IVD: variants seen among roughly 807,000 people sequenced by gnomAD.
IVD encodes the protein isovaleryl-CoA dehydrogenase, also known as isovaleryl-CoA dehydrogenase, mitochondrial.
IVD carries 31 observed loss-of-function variants against 51.3 expected under a neutral mutation model. That is an observed-to-expected ratio of 0.60 (90% CI 0.45 to 0.81). IVD has a LOEUF of 0.81. Ranked by LOEUF, IVD falls within the 40% of genes least tolerant of loss-of-function variation. The pLI is 0.00. For missense variants in IVD, 475 were observed against 552.0 expected, an observed-to-expected ratio of 0.86 and a Z score of 1.40; for synonymous variants, 205 against 219.4, an observed-to-expected ratio of 0.93 and a Z score of 0.58.
At chr15:40,433,934 T>G (rs1893124149) in intron 8 of IVD, 1 of 456,528 alleles carries the variant, frequency 2.2e-6, no homozygotes, top group South Asian at 1.5e-5. Flanking sequence ...GAGATTGGCA[T>G]GAGAATGCAA....
intron 7 of IVD, among the ~76,000 whole-genome samples, chr15:40,433,226 G>A (rs766242519): frequency 6.6e-6 from 1 of 152,168 alleles, no homozygotes; most frequent in African/African-American, 2.4e-5. Flanking sequence ...GCCACTCCAA[G>A]CCTATGTGAT....
At chr15:40,423,829 C>G (rs4923866), downstream of IVD, among the ~76,000 whole-genome samples, 407 of 152,286 alleles carry the variant, frequency 2.7e-3, 2 homozygotes, top group African/African-American at 9.4e-3. Context: ...TTCACTTCCT[C>G]GGGCCAGCCC....
chr15:40,428,456 C>A (rs1345459890), downstream of IVD, among the ~76,000 whole-genome samples: 4 of 152,104 alleles, frequency 2.6e-5, no homozygotes, highest in African/African-American at 9.7e-5. Flanking sequence ...ATAGGCTGGC[C>A]TTTGGGACCT....
chr15:40,417,986 A>C, intron 11 of IVD, 144 bp from the exon 12 acceptor site: 8 of 1,087,620 alleles, frequency 7.4e-6, no homozygotes, highest in South Asian at 1.4e-5. Flanking sequence ...TGTATTCCCC[A>C]CACCCCTCCC....
intron 1 of IVD, among the ~76,000 whole-genome samples, chr15:40,407,020 C>T (rs1315421385): frequency 2.0e-5 from 3 of 152,036 alleles, no homozygotes; most frequent in African/African-American, 7.2e-5. Context: ...TGCACCACCA[C>T]GCCCGGCTAA....
rs1891573603 is a variant in IVD at position 40,415,520 on chromosome 15, TG to T, written c.960+41del. The T allele has an allele frequency of 1.9e-6, 3 of 1,561,784 alleles. No individual in the cohort carries two copies. In the African/African-American group the frequency reaches 4.1e-5, roughly 21 times the overall value. ...CTTTTGCTGACATGTACTCTTCAAC[TG>T]GGCTAAAGTTTTCTTTGAAAAGAGA... On this transcript the variant is annotated intron_variant, in intron 9 of 11. Transcript: ENST00000487418.
intron 6 of IVD, chr15:40,412,581 C>T (rs1891196468): frequency 4.0e-6 from 1 of 248,168 alleles, no homozygotes; most frequent in Non-Finnish European, 8.0e-6. Flanking sequence ...GGTCAAAGTA[C>T]AGAGGGCTCA....
intron 8 of IVD, 122 bp from the exon 9 acceptor site, chr15:40,415,279 C>T: frequency 1.1e-6 from 1 of 920,686 alleles, no homozygotes; most frequent in Non-Finnish European, 1.7e-6. Context: ...GTAACTGTGG[C>T]AAGACTTTCT....
At chr15:40,414,516 G>A (rs1476043832) in intron 7 of IVD, 2 of 305,436 alleles carry the variant, frequency 6.5e-6, no homozygotes, top group African/African-American at 4.3e-5. Context: ...ACTCCACCTG[G>A]GGGAAAGAGT....
chr15:40,428,739 G>A (rs1178344015), downstream of IVD, among the ~76,000 whole-genome samples: 1 of 152,230 alleles, frequency 6.6e-6, no homozygotes, highest in Admixed American at 6.5e-5. Context: ...GAGGCTGTGG[G>A]GGGTGGGGCA....
intron 7 of IVD, among the ~76,000 whole-genome samples, chr15:40,432,833 G>A (rs536104517): frequency 1.3e-5 from 2 of 152,310 alleles, no homozygotes; most frequent in East Asian, 1.9e-4. Context: ...CCAGAGTGGG[G>A]CCCACTGCTG....
Position 40,421,232 on chromosome 15 carries a change from G to A in IVD, c.*2969G>A, listed in dbSNP as rs539908221. On this transcript the variant is annotated 3_prime_UTR_variant, in exon 12 of 12. Coordinates refer to ENST00000487418, the MANE Select transcript of IVD (RefSeq NM_002225.5). ...TCTGTCTAAGCCCTGTCGACTTGGG[G>A]AGGTGATTTCTTTCCTGGTTCTATA... The A allele has an allele frequency of 1.5e-5, 15 of 985,484 alleles. No individual in the cohort carries two copies. The South Asian group carries it at 4.7e-4, about 31-fold the overall frequency. 61.0% of individuals were successfully genotyped at this position (985,484 alleles called of 1,614,324 possible).
chr15:40,409,608 C>T (rs1015295309), intron 3 of IVD, among the ~76,000 whole-genome samples: 1 of 152,088 alleles, frequency 6.6e-6, no homozygotes, highest in Non-Finnish European at 1.5e-5. Flanking sequence ...TCAGAGTGAA[C>T]ATGTGTATAG....
chr15:40,427,285 G>A (rs148481663), downstream of IVD, among the ~76,000 whole-genome samples: 169 of 152,366 alleles, frequency 1.1e-3, 2 homozygotes, highest in African/African-American at 3.8e-3. Context: ...CCTTGTGCCC[G>A]TCCAGGAGCA....
At position 40,414,968 on chromosome 15, in the gene IVD, C is replaced by CG. The variant is rs759159766; in HGVS notation, c.870dup (p.Pro291AlafsTer38). On this transcript the variant is annotated frameshift_variant, in exon 8 of 12. Coordinates refer to ENST00000487418, the MANE Select transcript of IVD (RefSeq NM_002225.5). LOFTEE classifies it high-confidence loss of function. ...TGGACCTGGAGCGGCTGGTGCTGGC[C>CG]GGGGGGCCTCTTGGGTAAGTGTGAG... 7 of 1,613,764 alleles carry CG rather than the reference C, an allele frequency of 4.3e-6. No homozygotes were observed. Among genetic ancestry groups the CG allele is most frequent in the Non-Finnish European group, 4.2e-6 (5 of 1,179,982 alleles).
downstream of IVD, among the ~76,000 whole-genome samples, chr15:40,426,537 C>CAAA (rs199772837): frequency 1.5e-5 from 2 of 131,316 alleles, no homozygotes; most frequent in East Asian, 4.3e-4. Flanking sequence ...TACACTGTCT[C>CAAA]AAAAAAAAAA....
At chr15:40,415,058 C>T in intron 8 of IVD, 76 bp downstream of exon 8, 1 of 1,560,208 alleles carries the variant, frequency 6.4e-7, no homozygotes, top group Admixed American at 1.8e-5. Context: ...GCAGCAGCAG[C>T]CTTCCCCTTG....
chr15:40,418,040 T>C, intron 11 of IVD, 90 bp from the exon 12 acceptor site: 1 of 1,572,790 alleles, frequency 6.4e-7, no homozygotes, highest in Non-Finnish European at 8.6e-7. Flanking sequence ...CCTCTCCTCC[T>C]GTGGCCTGTT....
chr15:40,421,372 G>A (rs188291275), downstream of IVD: 2,883 of 985,482 alleles, frequency 2.9e-3, 4 homozygotes, highest in Non-Finnish European at 3.3e-3. Context: ...TTGTGGGCGT[G>A]TTTGGTTGCC....
Sources: allele counts gnomAD v4.1 joint callset (sites outside exome capture counted in the v4.1 genomes callset), GRCh38; gene constraint gnomAD v4.1.1; transcripts MANE v1.5; gene names NCBI Gene and HGNC (gene_info 2026-07-23, HGNC 2026-07-21).